The following LRFN5 variants were observed in gnomAD, a reference collection of about 807,000 sequenced individuals.
The protein encoded by LRFN5 is leucine-rich repeat and fibronectin type-III domain-containing protein 5.
Under a neutral mutation model 45.6 loss-of-function variants are expected in LRFN5, and 24 were observed. The ratio of observed to expected loss-of-function variants is 0.53; its 90% CI spans 0.38 to 0.74. The LOEUF (loss-of-function observed/expected upper bound fraction) is 0.74, where lower values mean the gene tolerates loss of function less well. LRFN5 is among the 30% of genes least tolerant of loss of function. LRFN5 has a pLI of 0.00. For synonymous variants in LRFN5, 340 were observed against 313.8 expected (o/e 1.08, Z -0.88); for missense variants, 776 against 861.5 (o/e 0.90, Z 1.24).
At chr14:41,862,498 A>G (rs1190326745) in intron 2 of LRFN5, among the ~76,000 whole-genome samples, 1 of 152,146 alleles carries the variant, frequency 6.6e-6, no homozygotes, top group Non-Finnish European at 1.5e-5. Context: ...GTGATTGCAT[A>G]TAATGCTGAT....
chr14:41,727,248 T>C (rs2138784501), intron 1 of LRFN5, among the ~76,000 whole-genome samples: 1 of 152,286 alleles, frequency 6.6e-6, no homozygotes, highest in South Asian at 2.1e-4. Context: ...CTGGTAACTA[T>C]CTTAAACGAC....
intron 2 of LRFN5, among the ~76,000 whole-genome samples, chr14:41,837,056 A>G (rs1239984818): frequency 6.6e-6 from 1 of 152,040 alleles, no homozygotes; most frequent in African/African-American, 2.4e-5. Flanking sequence ...ATTGCTCCAA[A>G]GGAAAGAAGG....
At position 41,744,938 on chromosome 14, in the gene LRFN5, A is replaced by G. The variant is rs555947157; in HGVS notation, c.-196-21916A>G. On this transcript the variant is annotated intron_variant, in intron 1 of 5. Coordinates refer to ENST00000298119, the MANE Select transcript of LRFN5 (RefSeq NM_152447.5). ...GAAGGGGAAAATATCTCTACACAAT[A>G]GTTGGATACTTCAATACTTCACTCT... Among the ~76,000 whole-genome samples the G allele has an allele frequency of 1.8e-4, 27 of 152,238 alleles. 1 individual carries two copies. The highest frequency in any genetic ancestry group is 1.6e-3 in the Admixed American group (24 of 15,276).
At chr14:41,822,753 C>T (rs1888156154) in intron 2 of LRFN5, among the ~76,000 whole-genome samples, 2 of 151,628 alleles carry the variant, frequency 1.3e-5, no homozygotes, top group African/African-American at 4.9e-5. Context: ...TTGAAGTCCA[C>T]CACTATTATT....
chr14:41,648,895 T>C (rs1879949422), intron 1 of LRFN5, among the ~76,000 whole-genome samples: 1 of 152,182 alleles, frequency 6.6e-6, no homozygotes. Flanking sequence ...TGTAAACTTC[T>C]ATCATGTAAT....
intron 1 of LRFN5, among the ~76,000 whole-genome samples, chr14:41,652,544 A>G (rs949410496): frequency 6.6e-6 from 1 of 152,200 alleles, no homozygotes; most frequent in African/African-American, 2.4e-5. Flanking sequence ...ATATTCTACA[A>G]GGAAGAGAAT....
At chr14:41,739,219 C>T (rs1380466358) in intron 1 of LRFN5, among the ~76,000 whole-genome samples, 1 of 151,988 alleles carries the variant, frequency 6.6e-6, no homozygotes, top group Non-Finnish European at 1.5e-5. Context: ...AAGCCCATCT[C>T]CACAAAAATA....
Position 41,898,902 on chromosome 14 carries a change from A to G in LRFN5, c.2099-15A>G, listed in dbSNP as rs1252331159. 1 of 1,607,744 alleles carries G rather than the reference A, an allele frequency of 6.2e-7. No individual in the cohort carries two copies. The highest frequency in any genetic ancestry group is 1.3e-5 in the African/African-American group (1 of 74,786). On this transcript the variant is annotated splice_polypyrimidine_tract_variant and intron_variant, in intron 4 of 5. Transcript: ENST00000298119. The stretch of plus-strand genomic sequence containing the variant: ...AAAAATGAATTGTTTATGACACTGA[A>G]CATTTTATTCCCAGATGCTTTGCTG...
intron 1 of LRFN5, among the ~76,000 whole-genome samples, chr14:41,757,729 C>G (rs1387481406): frequency 6.6e-6 from 1 of 152,178 alleles, no homozygotes; most frequent in Non-Finnish European, 1.5e-5. Flanking sequence ...CCTTGCCCTG[C>G]TTTGGCTCAC....
intron 2 of LRFN5, among the ~76,000 whole-genome samples, chr14:41,780,680 A>G (rs537463849): frequency 7.6e-4 from 115 of 152,194 alleles, no homozygotes; most frequent in African/African-American, 2.6e-3. Context: ...GTTACAAATG[A>G]TTACTATATT....
intron 1 of LRFN5, among the ~76,000 whole-genome samples, chr14:41,711,765 G>A (rs758998522): frequency 3.9e-5 from 6 of 152,102 alleles, no homozygotes; most frequent in Non-Finnish European, 8.8e-5. Flanking sequence ...ATAAAAAAAC[G>A]CATTATGAAT....
chr14:41,808,887 A>T (rs114043966), intron 2 of LRFN5, among the ~76,000 whole-genome samples: 1,703 of 152,150 alleles, frequency 0.011, 28 homozygotes, highest in African/African-American at 0.038. Flanking sequence ...TGCATTGTGC[A>T]TTTGATTATA....
intron 1 of LRFN5, among the ~76,000 whole-genome samples, chr14:41,740,266 C>G (rs1279150671): frequency 6.6e-6 from 1 of 151,828 alleles, no homozygotes; most frequent in African/African-American, 2.4e-5. Context: ...GGCCAAAATC[C>G]CTGATAAATA....
intron 1 of LRFN5, among the ~76,000 whole-genome samples, chr14:41,745,794 A>G (rs1468235992): frequency 1.3e-5 from 2 of 152,082 alleles, no homozygotes; most frequent in Non-Finnish European, 2.9e-5. Context: ...TCTTAAAAAT[A>G]CAAAACTTAC....
chr14:41,892,920 A>G (rs2139165526), intron 4 of LRFN5: 2 of 985,268 alleles, frequency 2.0e-6, no homozygotes, highest in East Asian at 1.1e-4. Context: ...TGTTCTTAAT[A>G]CAAGATAAAG....
intron 2 of LRFN5, among the ~76,000 whole-genome samples, chr14:41,825,154 C>A (rs897515890): frequency 6.6e-6 from 1 of 152,150 alleles, no homozygotes; most frequent in African/African-American, 2.4e-5. Context: ...GGGGAAGGAC[C>A]GTGCCCTCTG....
chr14:41,633,419 T>C (rs535257566), intron 1 of LRFN5, among the ~76,000 whole-genome samples: 4 of 152,264 alleles, frequency 2.6e-5, no homozygotes, highest in Admixed American at 1.3e-4. Context: ...ATTAATTTCT[T>C]GTCACTTACT....
intron 1 of LRFN5, among the ~76,000 whole-genome samples, chr14:41,609,351 C>T (rs558956254): frequency 1.3e-5 from 2 of 149,724 alleles, no homozygotes; most frequent in African/African-American, 2.5e-5. Context: ...TTTGTTTTAT[C>T]CCTGTATAAT....
intron 4 of LRFN5, chr14:41,892,307 A>T: frequency 1.0e-6 from 1 of 954,848 alleles, no homozygotes; most frequent in Non-Finnish European, 1.2e-6. Context: ...ATATATACAC[A>T]TATATAACTA....
Sources: gnomAD v4.1 joint callset for allele counts (sites outside exome capture counted in the v4.1 genomes callset) on GRCh38, gnomAD v4.1.1 for gene constraint, MANE v1.5 for transcripts, NCBI Gene and HGNC (gene_info 2026-07-23, HGNC 2026-07-21) for gene names.